Variants in GLUD1 observed in about 807,000 individuals in gnomAD.
The protein encoded by GLUD1 is glutamate dehydrogenase 1, also known as glutamate dehydrogenase 1, mitochondrial.
Under a neutral mutation model 56.0 loss-of-function variants are expected in GLUD1, and 22 were observed. The observed-to-expected ratio is 0.39, with a 90% CI of 0.28 to 0.56. The LOEUF is 0.56. GLUD1 is among the 20% of genes least tolerant of loss of function. The pLI is 0.58. For synonymous variants in GLUD1, 223 were observed against 269.9 expected (o/e 0.83, Z 1.70); for missense variants, 451 against 732.0 (o/e 0.62, Z 4.43).
chr10:87,071,475 C>A (rs540363520), intron 4 of GLUD1, among the ~76,000 whole-genome samples: 3 of 152,256 alleles, frequency 2.0e-5, no homozygotes, highest in East Asian at 3.9e-4. Context: ...GCATGAGCCA[C>A]CATGCTTGGC....
chr10:87,051,608 T>G lies in GLUD1; in HGVS notation c.*143A>C. ...CTTAATTTCTTTCTCCTTAACGGGC[T>G]GACTTGGATTGACTTGTTGAGAATG... is the stretch of plus-strand genomic sequence containing the variant. On this transcript the variant is annotated 3_prime_UTR_variant, in exon 13 of 13. Transcript: ENST00000277865. The G allele has an allele frequency of 1.1e-6, 1 of 938,364 alleles. No individual in the cohort carries two copies. The allele number at this position is 938,364 out of a possible 1,614,324, so 58.1% of individuals were successfully genotyped here. A position where few individuals can be genotyped will look rare whatever the true frequency, so the allele number is the denominator to read the frequency against.
intron 5 of GLUD1, among the ~76,000 whole-genome samples, chr10:87,067,387 G>A (rs1846106434): frequency 6.6e-6 from 1 of 152,070 alleles, no homozygotes; most frequent in African/African-American, 2.4e-5. Context: ...CACCACGCTT[G>A]GCTAATTTTT....
intron 10 of GLUD1, 42 bp downstream of exon 10, chr10:87,059,108 C>T: frequency 6.2e-7 from 1 of 1,610,812 alleles, no homozygotes; most frequent in East Asian, 2.2e-5. Flanking sequence ...TTTCAGCTGG[C>T]TCAAAAGATG....
intron 4 of GLUD1, 67 bp downstream of exon 4, chr10:87,074,484 T>A (rs1254361212): frequency 1.5e-5 from 13 of 856,426 alleles, no homozygotes; most frequent in Non-Finnish European, 2.6e-5. Flanking sequence ...TGAGACTCCG[T>A]CTCAAAAAAA....
At chr10:87,081,946 C>CAAAAA (rs71019464) in intron 1 of GLUD1, among the ~76,000 whole-genome samples, 3 of 85,668 alleles carry the variant, frequency 3.5e-5, no homozygotes, top group Non-Finnish European at 5.0e-5. Context: ...ATGATCAATA[C>CAAAAA]AAAAAAAAAA....
intron 5 of GLUD1, among the ~76,000 whole-genome samples, chr10:87,066,352 C>T (rs1169718577): frequency 6.6e-6 from 1 of 152,142 alleles, no homozygotes; most frequent in African/African-American, 2.4e-5. Flanking sequence ...TTGAAACCAG[C>T]TCTTTGCTGT....
chr10:87,074,371 C>T (rs1356266438), intron 4 of GLUD1, among the ~76,000 whole-genome samples, 180 bp downstream of exon 4: 9 of 151,990 alleles, frequency 5.9e-5, no homozygotes, highest in Non-Finnish European at 1.2e-4. Context: ...TGTGGTGGCA[C>T]ATGCCTGTAA....
rs530258172 is a variant in GLUD1 at position 87,071,375 on chromosome 10, C to CG, written c.646+3175dup. Among the ~76,000 whole-genome samples the CG allele has an allele frequency of 4.0e-3, 609 of 151,482 alleles. 3 individuals carry two copies. The highest frequency in any genetic ancestry group is 0.014 in the African/African-American group (596 of 41,280). On this transcript the variant is annotated intron_variant, in intron 4 of 12. Coordinates refer to ENST00000277865, the MANE Select transcript of GLUD1 (RefSeq NM_005271.5). ...AATTTTTTTTTATTTTTAGTAGAGA[C>CG]GGGGTTTTACCATGTTGGCCAGGCT...
chr10:87,094,431 G>A lies in GLUD1; in HGVS notation c.339C>T (p.Asn113=). 1 of 1,613,756 alleles carries A rather than the reference G, an allele frequency of 6.2e-7. No homozygotes were observed. Among genetic ancestry groups the A allele is most frequent in the Non-Finnish European group, 8.5e-7 (1 of 1,179,950 alleles). The change falls in exon 1 of 13, where the codon AAC becomes AAT. Residue 113 remains asparagine (N), a synonymous_variant. Coordinates refer to ENST00000277865, the MANE Select transcript of GLUD1 (RefSeq NM_005271.5). The surrounding 1 kb of genome is among the most constrained non-coding windows in gnomAD (Gnocchi z 6.6). ...RGILRIIKPC[N]HVLSLSFPIR... The stretch of plus-strand genomic sequence containing the variant: ...TGGGGAAGGAGAGACTCAGCACATG[G>A]TTGCAGGGCTTGATGATCCGCAGGA...
At chr10:87,089,261 A>G (rs1000604880) in intron 1 of GLUD1, among the ~76,000 whole-genome samples, 1 of 152,220 alleles carries the variant, frequency 6.6e-6, no homozygotes, top group African/African-American at 2.4e-5. Flanking sequence ...GCATAAATAA[A>G]TCCCAGACAA....
At chr10:87,051,940 CCA>C in intron 12 of GLUD1, 70 bp from the exon 13 acceptor site, 1 of 1,568,366 alleles carries the variant, frequency 6.4e-7, no homozygotes, top group Non-Finnish European at 8.8e-7. Flanking sequence ...CACACAAGGC[CCA>C]GACAGGCCTG....
rs773995364 is a variant in GLUD1, at chr10:87,050,279, C to T, written c.*1472G>A. Reference sequence around the variant, plus strand: ...GCTTTCAGGGATCATTTCTATAGTTCGTTACTCGGGAAGTTTCTCTGAACG... The same window carrying T: ...GCTTTCAGGGATCATTTCTATAGTTTGTTACTCGGGAAGTTTCTCTGAACG... On this transcript the variant is annotated 3_prime_UTR_variant, in exon 13 of 13. Transcript: ENST00000277865. Among the ~76,000 whole-genome samples the T allele has an allele frequency of 1.3e-5, 2 of 149,974 alleles. No homozygotes were observed. Among genetic ancestry groups the T allele is most frequent in the Non-Finnish European group, 2.9e-5 (2 of 67,800 alleles).
intron 1 of GLUD1, chr10:87,091,620 G>C (rs1841511486): frequency 1.0e-6 from 1 of 960,490 alleles, no homozygotes; most frequent in African/African-American, 1.8e-5. Flanking sequence ...GGTACATGTA[G>C]TAACTGGGAA....
intron 4 of GLUD1, among the ~76,000 whole-genome samples, chr10:87,071,378 G>T (rs1264204277): frequency 6.6e-6 from 1 of 151,638 alleles, no homozygotes; most frequent in Non-Finnish European, 1.5e-5. Context: ...GTAGAGACGG[G>T]GTTTTACCAT....
At chr10:87,063,684 TTAATA>T in intron 5 of GLUD1, among the ~76,000 whole-genome samples, 1 of 152,222 alleles carries the variant, frequency 6.6e-6, no homozygotes, top group Non-Finnish European at 1.5e-5. Context: ...AACTTGATAC[TTAATA>T]TAACATGACA....
intron 5 of GLUD1, among the ~76,000 whole-genome samples, chr10:87,063,677 T>G (rs1159306363): frequency 6.6e-6 from 1 of 152,230 alleles, no homozygotes; most frequent in Non-Finnish European, 1.5e-5. Context: ...TTAATATAAC[T>G]TGATACTTAA....
intron 1 of GLUD1, among the ~76,000 whole-genome samples, chr10:87,082,907 C>A (rs1183835551): frequency 6.6e-6 from 1 of 152,160 alleles, no homozygotes; most frequent in Non-Finnish European, 1.5e-5. Context: ...ATACTGTCAC[C>A]TGAAAATAAG....
At chr10:87,079,637 G>T (rs549556521) in intron 1 of GLUD1, among the ~76,000 whole-genome samples, 19 of 152,276 alleles carry the variant, frequency 1.2e-4, no homozygotes, top group Middle Eastern at 3.4e-3. Flanking sequence ...ACTCTCCTAG[G>T]ATGGGTGTCA....
chr10:87,088,701 A>C (rs1308081067), intron 1 of GLUD1, among the ~76,000 whole-genome samples: 2 of 152,262 alleles, frequency 1.3e-5, no homozygotes, highest in Non-Finnish European at 2.9e-5. Context: ...ATTTTCCTCT[A>C]GCCTAGAAGC....
Sources: allele counts gnomAD v4.1 joint callset (sites outside exome capture counted in the v4.1 genomes callset), GRCh38; gene constraint gnomAD v4.1.1; non-coding constraint Gnocchi (gnomAD v3.1); transcripts MANE v1.5; gene names NCBI Gene and HGNC (gene_info 2026-07-23, HGNC 2026-07-21).